TMCO1: variants seen among roughly 807,000 people sequenced by gnomAD.
TMCO1 encodes the protein calcium load-activated calcium channel.
In TMCO1, 29 loss-of-function variants were observed where a neutral mutation model predicts 29.3. That is an observed-to-expected ratio of 0.99 (90% CI 0.74 to 1.35). The LOEUF is 1.35. Among genes scored for constraint, TMCO1 ranks in the 40% most tolerant of loss-of-function variants. The pLI, the probability that TMCO1 is intolerant of heterozygous loss-of-function variation, is 0.00. For missense variants in TMCO1, 173 were observed against 225.5 expected, an observed-to-expected ratio of 0.77 and a Z score of 1.49; for synonymous variants, 80 against 77.1, an observed-to-expected ratio of 1.04 and a Z score of -0.20.
chr1:165,728,777 G>C (rs1056613253), intron 6 of TMCO1, among the ~76,000 whole-genome samples: 5 of 151,824 alleles, frequency 3.3e-5, no homozygotes, highest in Non-Finnish European at 5.9e-5. Context: ...CTGCTGGCTG[G>C]ATTTGTCATT....
intron 6 of TMCO1, among the ~76,000 whole-genome samples, chr1:165,729,692 T>G (rs2101785093): frequency 6.6e-6 from 1 of 152,308 alleles, no homozygotes; most frequent in Non-Finnish European, 1.5e-5. Context: ...TCATTTTATA[T>G]TTGAAGAAAC....
chr1:165,768,871 C>T, upstream of TMCO1: 1 of 1,561,458 alleles, frequency 6.4e-7, no homozygotes, highest in Non-Finnish European at 8.7e-7. Flanking sequence ...CCAACTCTGA[C>T]AGCCCGAAGA....
chr1:165,726,453 T>A (rs1650895005), downstream of TMCO1: 2 of 572,208 alleles, frequency 3.5e-6, no homozygotes, highest in Non-Finnish European at 6.6e-6. Context: ...ATGAGGAGGC[T>A]GTAATATAGA....
rs1201263188 is a variant in TMCO1, at chr1:165,727,626, G to A, written c.*397C>T. The A allele has an allele frequency of 2.2e-6, 1 of 452,916 alleles. No individual in the cohort carries two copies. Among genetic ancestry groups the A allele is most frequent in the Non-Finnish European group, 4.4e-6 (1 of 226,520 alleles). 28.1% of individuals were successfully genotyped at this position (452,916 alleles called of 1,614,324 possible). ...AAAAAAAACAACAACAAAACAAACAGTTACAAGGGTTAAACAAACTAAATT... is the reference window on the plus strand; with the variant it reads ...AAAAAAAACAACAACAAAACAAACAATTACAAGGGTTAAACAAACTAAATT... On this transcript the variant is annotated 3_prime_UTR_variant, in exon 7 of 7. Transcript: ENST00000367881.
chr1:165,755,639 G>C (rs1029111062), intron 3 of TMCO1, among the ~76,000 whole-genome samples: 2 of 152,210 alleles, frequency 1.3e-5, no homozygotes, highest in African/African-American at 4.8e-5. Context: ...TGGGCTGACA[G>C]AGGGTAACCT....
intron 3 of TMCO1, among the ~76,000 whole-genome samples, chr1:165,756,978 G>A (rs1452683179): frequency 2.0e-5 from 3 of 152,074 alleles, no homozygotes; most frequent in Admixed American, 2.0e-4. Context: ...TAAAGTTGCT[G>A]GAGATGAACA....
intron 6 of TMCO1, among the ~76,000 whole-genome samples, chr1:165,738,294 AAAAC>A (rs1183515991): frequency 6.6e-6 from 1 of 152,180 alleles, no homozygotes; most frequent in African/African-American, 2.4e-5. Flanking sequence ...CTCTGTCTCC[AAAAC>A]AAACAAACAA....
Position 165,752,251 on chromosome 1 carries a change from C to CTTT in TMCO1, c.256-83_256-82insAAA, listed in dbSNP as rs1558038157. 21 of 672,718 alleles carry CTTT rather than the reference C, an allele frequency of 3.1e-5. 1 individual carries two copies. Among genetic ancestry groups the CTTT allele is most frequent in the East Asian group, 1.9e-4 (5 of 26,580 alleles). The allele number at this position is 672,718 out of a possible 1,614,324, so 41.7% of individuals were successfully genotyped here. On this transcript the variant is annotated intron_variant, in intron 4 of 6. Transcript: ENST00000367881. ...TATCTCAAAAGTTTTGGTTTCATGT[C>CTTT]ATTTTTTTTTTTTTTTTTTTTGAGG... is the stretch of plus-strand genomic sequence containing the variant.
intron 5 of TMCO1, among the ~76,000 whole-genome samples, chr1:165,743,554 T>C (rs1651681542): frequency 6.6e-6 from 1 of 152,164 alleles, no homozygotes; most frequent in Admixed American, 6.5e-5. Flanking sequence ...TCAAGACCCC[T>C]TTATATACTG....
chr1:165,728,032 C>T lies in TMCO1; in HGVS notation c.558G>A (p.Lys186=), dbSNP rs746684690. 2 of 1,606,676 alleles carry T rather than the reference C, an allele frequency of 1.2e-6. No homozygotes were observed. Among genetic ancestry groups the T allele is most frequent in the Non-Finnish European group, 1.7e-6 (2 of 1,175,138 alleles). The change falls in exon 7 of 7, where the codon AAG becomes AAA. Residue 186 remains lysine (K), a synonymous_variant. Coordinates refer to ENST00000367881, the MANE Select transcript of TMCO1 (RefSeq NM_019026.6). ...TAAAGAGTTCTTGAGTTCAAGAGAA[C>T]TTCCCAGAAGGAGGTGGTGGGCCAA... ...GFLGPPPPSG[K]FS
At chr1:165,765,512 G>A (rs1485645514) in intron 2 of TMCO1, among the ~76,000 whole-genome samples, 2 of 152,234 alleles carry the variant, frequency 1.3e-5, no homozygotes, top group African/African-American at 4.8e-5. Flanking sequence ...TCGAAGGCCT[G>A]ACCTCGTGAT....
intron 5 of TMCO1, among the ~76,000 whole-genome samples, chr1:165,748,109 A>G (rs1392850867): frequency 6.6e-6 from 1 of 151,958 alleles, no homozygotes; most frequent in African/African-American, 2.4e-5. Context: ...CGGTGAGCCC[A>G]GATCACGCCA....
downstream of TMCO1, chr1:165,726,319 T>C: frequency 2.9e-6 from 2 of 689,568 alleles, no homozygotes; most frequent in Non-Finnish European, 2.6e-6. Flanking sequence ...GAGCTCCTGC[T>C]GTGTTTCCAC....
In TMCO1 at chr1:165,727,110, T is replaced by C. The variant is rs1468315566; in HGVS notation, c.*913A>G. On this transcript the variant is annotated 3_prime_UTR_variant, in exon 7 of 7. Transcript: ENST00000367881. ...ATGGTACAAACATCCTTCTCCCTTA[T>C]GAAGGGGCATGGCAGAAAATGAAGG... 2.2e-6 allele frequency: 1 copy of C among 454,078 alleles called. No homozygotes were observed. The highest frequency in any genetic ancestry group is 2.3e-5 in the Admixed American group (1 of 42,572). 28.1% of individuals were successfully genotyped at this position (454,078 alleles called of 1,614,324 possible).
At chr1:165,752,044 C>T (rs2101806488) in intron 5 of TMCO1, 58 bp downstream of exon 5, 3 of 1,362,988 alleles carry the variant, frequency 2.2e-6, no homozygotes, top group East Asian at 4.6e-5. Context: ...TTCATGCTAA[C>T]ATACATACAA....
intron 2 of TMCO1, among the ~76,000 whole-genome samples, chr1:165,767,959 C>T (rs1053037571): frequency 1.6e-4 from 25 of 152,260 alleles, no homozygotes; most frequent in African/African-American, 5.5e-4. Context: ...TAAGCCACTG[C>T]GCCAGATTGA....
intron 6 of TMCO1, among the ~76,000 whole-genome samples, chr1:165,737,195 C>T (rs932866526): frequency 1.3e-5 from 2 of 151,852 alleles, no homozygotes; most frequent in Non-Finnish European, 1.5e-5. Context: ...AGGAAGGATG[C>T]CAAATAAAGC....
intron 6 of TMCO1, among the ~76,000 whole-genome samples, chr1:165,735,639 T>G (rs942865164): frequency 1.3e-5 from 2 of 151,906 alleles, no homozygotes; most frequent in Non-Finnish European, 2.9e-5. Flanking sequence ...CTCAGCCTCC[T>G]GAGTATCTGG....
rs145104339 is a variant in TMCO1 at position 165,752,181 on chromosome 1, C to T, written c.256-12G>A. 7.9e-3 allele frequency: 12,647 copies of T among 1,606,824 alleles called. 69 individuals are homozygous for T. The highest frequency in any genetic ancestry group is 9.6e-3 in the Non-Finnish European group (11,302 of 1,175,412). ...GATTTCATTCGAACCTGTAATGAGA[C>T]GAACAAATTGTCATTTTACACTAAA... On this transcript the variant is annotated splice_polypyrimidine_tract_variant and intron_variant, in intron 4 of 6. Coordinates refer to ENST00000367881, the MANE Select transcript of TMCO1 (RefSeq NM_019026.6).
Sources: gnomAD v4.1 joint callset for allele counts (sites outside exome capture counted in the v4.1 genomes callset) on GRCh38, gnomAD v4.1.1 for gene constraint, MANE v1.5 for transcripts, NCBI Gene and HGNC (gene_info 2026-07-23, HGNC 2026-07-21) for gene names.